The following POLR3C variants were observed in gnomAD, a reference collection of about 807,000 sequenced individuals.
The protein encoded by POLR3C is DNA-directed RNA polymerase III subunit RPC3.
Under a neutral mutation model 65.9 loss-of-function variants are expected in POLR3C, and 44 were observed. The observed-to-expected ratio is 0.67, with a 90% CI of 0.52 to 0.86. The LOEUF (loss-of-function observed/expected upper bound fraction) is 0.86. Ranked by LOEUF, POLR3C falls within the 40% of genes least tolerant of loss-of-function variation. The pLI, the probability that POLR3C is intolerant of heterozygous loss-of-function variation, is 0.00. For missense variants in POLR3C, 576 were observed against 653.2 expected (o/e 0.88, Z 1.29); for synonymous variants, 263 against 231.6 (o/e 1.14, Z -1.23).
intron 11 of POLR3C, 64 bp downstream of exon 11, chr1:145,838,270 T>G: frequency 1.5e-6 from 2 of 1,348,484 alleles, no homozygotes; most frequent in Non-Finnish European, 2.1e-6. Flanking sequence ...GAGAAGCTTC[T>G]TAGGCAAACA....
At chr1:145,831,543 A>G (rs972556217) in intron 5 of POLR3C, among the ~76,000 whole-genome samples, 4 of 150,676 alleles carry the variant, frequency 2.7e-5, no homozygotes, top group African/African-American at 4.9e-5. Flanking sequence ...AGAGAGTTCT[A>G]GGATAGAGTA....
In POLR3C at chr1:145,844,294, A is replaced by G. The variant is rs770496922; in HGVS notation, c.*1874A>G. 7.9e-5 allele frequency among the ~76,000 whole-genome samples: 12 copies of G among 152,244 alleles called. No homozygotes were observed. The highest frequency in any genetic ancestry group is 1.2e-4 in the Non-Finnish European group (8 of 68,044). The stretch of plus-strand genomic sequence containing the variant: ...CCCATCAATAGATGAAAGGCTAAAG[A>G]AAATGTATTATTCAGCCATAAGAAT... On this transcript the variant is annotated 3_prime_UTR_variant, in exon 15 of 15. Coordinates refer to ENST00000334163, the MANE Select transcript of POLR3C (RefSeq NM_006468.8).
intron 13 of POLR3C, 30 bp downstream of exon 13, chr1:145,840,195 C>T (rs587701438): frequency 7.1e-7 from 1 of 1,413,056 alleles, no homozygotes; most frequent in East Asian, 2.3e-5. Context: ...GAGTTATTTA[C>T]ATCTTTCAAG....
intron 5 of POLR3C, among the ~76,000 whole-genome samples, chr1:145,830,792 C>G (rs1553726934): frequency 7.1e-6 from 1 of 140,294 alleles, no homozygotes; most frequent in Non-Finnish European, 1.6e-5. Context: ...GAGCAAGACT[C>G]CATCTCAAAA....
Position 145,833,520 on chromosome 1 carries a change from C to T in POLR3C, c.814C>T (p.Arg272Ter), listed in dbSNP as rs1023100502. 9.9e-6 allele frequency: 16 copies of T among 1,613,726 alleles called. No homozygotes were observed. Among genetic ancestry groups the T allele is most frequent in the Admixed American group, 1.7e-5 (1 of 60,022 alleles). Residue 272 changes from arginine (R) to a stop codon, truncating the protein, a stop_gained, in exon 7 of 15, where the codon CGA (arginine) becomes TGA (stop). Transcript: ENST00000334163. LOFTEE classifies it high-confidence loss of function. ...CAGCGAGATTGTGCGAACCATGCTC[C>T]GAATGAGTGAGATTACCACTTCCTC... ...TSSEIVRTML[R>*]MSEITTSSSA...
In POLR3C at chr1:145,826,469, T is replaced by C. The variant is rs1553725747; in HGVS notation, c.163T>C (p.Cys55Arg). The change falls in exon 3 of 15, where the codon TGT becomes CGT. Residue 55 changes from cysteine to arginine, a missense_variant. Transcript: ENST00000334163. ...TSLDQVKKAL[C>R]VLVQHNLVSY... The stretch of plus-strand genomic sequence containing the variant: ...TTCCATTTAGGTGAAGAAAGCCCTG[T>C]GTGTCCTCGTCCAACATAACCTGGT... 6.2e-7 allele frequency: 1 copy of C among 1,613,648 alleles called. No homozygotes were observed. The highest frequency in any genetic ancestry group is 2.2e-5 in the East Asian group (1 of 44,886).
intron 12 of POLR3C, 27 bp from the exon 13 acceptor site, chr1:145,840,089 T>C: frequency 6.3e-7 from 1 of 1,593,168 alleles, no homozygotes; most frequent in African/African-American, 1.3e-5. Flanking sequence ...ACTATGTGCA[T>C]TCCTTGTCTG....
chr1:145,840,880 C>T, intron 13 of POLR3C, 42 bp from the exon 14 acceptor site: 1 of 1,558,146 alleles, frequency 6.4e-7, no homozygotes, highest in Non-Finnish European at 8.8e-7. Context: ...AGAGAATCTC[C>T]CAGGTTAGGG....
chr1:145,843,915 C>T lies in POLR3C; in HGVS notation c.*1495C>T, dbSNP rs949338243. On this transcript the variant is annotated 3_prime_UTR_variant, in exon 15 of 15. Coordinates refer to ENST00000334163, the MANE Select transcript of POLR3C (RefSeq NM_006468.8). ...AAGATACACAAATGGCCGACAGATA[C>T]ATCAAAAAATGTTCAACATCACTAA... Among the ~76,000 whole-genome samples the T allele has an allele frequency of 6.6e-6, 1 of 152,166 alleles. No homozygotes were observed. Among genetic ancestry groups the T allele is most frequent in the African/African-American group, 2.4e-5 (1 of 41,442 alleles).
Position 145,826,462 on chromosome 1 carries a change from A to G in POLR3C, c.156A>G (p.Lys52=), listed in dbSNP as rs200240875. 19 of 1,613,330 alleles carry G rather than the reference A, an allele frequency of 1.2e-5. No individual in the cohort carries two copies. The South Asian group carries it at 1.9e-4, about 16-fold the overall frequency. ...DTGTSLDQVK[K]ALCVLVQHNL... ...CTTTATGTTCCATTTAGGTGAAGAA[A>G]GCCCTGTGTGTCCTCGTCCAACATA... The change falls in exon 3 of 15, where the codon AAA becomes AAG. Residue 52 remains lysine, a synonymous_variant. Transcript: ENST00000334163.
intron 4 of POLR3C, among the ~76,000 whole-genome samples, chr1:145,827,903 G>C (rs1401254723): frequency 6.6e-6 from 1 of 152,050 alleles, no homozygotes; most frequent in Non-Finnish European, 1.5e-5. Context: ...ACTCCAGCCT[G>C]GGTGACAGAG....
At chr1:145,833,607 C>CT in intron 7 of POLR3C, 25 bp downstream of exon 7, 1 of 1,423,936 alleles carries the variant, frequency 7.0e-7, no homozygotes, top group Non-Finnish European at 9.9e-7. Flanking sequence ...CTTGCACTAA[C>CT]TTTCTGACAG....
At chr1:145,837,724 C>G in intron 10 of POLR3C, 128 bp downstream of exon 10, 1 of 755,160 alleles carries the variant, frequency 1.3e-6, no homozygotes. Flanking sequence ...CACTGGACTC[C>G]TATGGATCTC....
At position 145,826,721 on chromosome 1, in the gene POLR3C, A is replaced by ATC. The variant is rs782003159; in HGVS notation, c.403+13_403+14dup. On this transcript the variant is annotated intron_variant, in intron 3 of 14. Coordinates refer to ENST00000334163, the MANE Select transcript of POLR3C (RefSeq NM_006468.8). The stretch of plus-strand genomic sequence containing the variant: ...AGAGACCATGGAGGGTCAGTATGGT[A>ATC]TCCATAGCTGTTAACAAAAGCATAG... The ATC allele has an allele frequency of 6.2e-7, 1 of 1,613,942 alleles. No homozygotes were observed. Among genetic ancestry groups the ATC allele is most frequent in the African/African-American group, 1.3e-5 (1 of 75,054 alleles).
Position 145,838,039 on chromosome 1 carries a change from TC to T in POLR3C, c.1071-16del. 1 of 1,613,156 alleles carries T rather than the reference TC, an allele frequency of 6.2e-7. No individual in the cohort carries two copies. On this transcript the variant is annotated splice_polypyrimidine_tract_variant and intron_variant, in intron 10 of 14. Coordinates refer to ENST00000334163, the MANE Select transcript of POLR3C (RefSeq NM_006468.8). The stretch of plus-strand genomic sequence containing the variant: ...ATCTATGTTAGCATGCCATTTGCTT[TC>T]TTCATTCCTTTCCAGATTTGGGTCT...
In POLR3C at chr1:145,828,826, G is replaced by A; in HGVS notation, c.667G>A (p.Asp223Asn). ...PKAKRPKYTT[D>N]NKEPIPDDGI... is the part of the protein sequence containing the mutation. The stretch of plus-strand genomic sequence containing the variant: ...GGCCAAGAGACCAAAATATACTACA[G>A]ATAACAAGGAGGTAATGGGGCTTCT... The change falls in exon 5 of 15, where the codon GAT (aspartate) becomes AAT (asparagine). Residue 223 changes from aspartate (D) to asparagine (N), a missense_variant. Transcript: ENST00000334163. The A allele has an allele frequency of 6.4e-7, 1 of 1,572,018 alleles. No individual in the cohort carries two copies. The highest frequency in any genetic ancestry group is 8.8e-7 in the Non-Finnish European group (1 of 1,141,656).
intron 5 of POLR3C, 35 bp from the exon 6 acceptor site, chr1:145,833,225 C>A: frequency 1.5e-6 from 2 of 1,301,390 alleles, no homozygotes; most frequent in Non-Finnish European, 2.2e-6. Context: ...AAACTTTACA[C>A]TATAGCTAAA....
chr1:145,825,830 A>G lies in POLR3C; in HGVS notation c.54A>G (p.Gly18=). Residue 18 remains glycine (G), a synonymous_variant, in exon 2 of 15, where the codon GGA becomes GGG. Transcript: ENST00000334163. ...LCSLLLQEHF[G]EIVEKIGVHL... is the part of the protein sequence containing the mutation. ...CTTTGTTGCTGCAAGAGCATTTTGG[A>G]GAGATTGTAGAAAAAATTGGAGTCC... is the stretch of plus-strand genomic sequence containing the variant. The G allele has an allele frequency of 6.2e-7, 1 of 1,612,892 alleles. No individual in the cohort carries two copies. The highest frequency in any genetic ancestry group is 8.5e-7 in the Non-Finnish European group (1 of 1,178,882).
chr1:145,839,618 G>A (rs587621815), intron 11 of POLR3C: 20 of 318,328 alleles, frequency 6.3e-5, no homozygotes, highest in South Asian at 6.4e-5. Context: ...CTGTAGTTCC[G>A]GCTACTTGGG....
Sources: gnomAD v4.1 joint callset for allele counts (sites outside exome capture counted in the v4.1 genomes callset) on GRCh38, gnomAD v4.1.1 for gene constraint, MANE v1.5 for transcripts, NCBI Gene and HGNC (gene_info 2026-07-23, HGNC 2026-07-21) for gene names.